GAS7: variants seen among roughly 807,000 people sequenced by gnomAD.
The protein encoded by GAS7 is growth arrest-specific protein 7.
In GAS7, 28 loss-of-function variants were observed where a neutral mutation model predicts 71.1. That is an observed-to-expected ratio of 0.39 (90% confidence interval 0.29 to 0.54). GAS7 has a LOEUF of 0.54. Ranked by LOEUF, GAS7 falls within the 20% of genes least tolerant of loss-of-function variation. The pLI is 0.62. For missense variants in GAS7, 436 were observed against 627.8 expected, an observed-to-expected ratio of 0.69 and a Z score of 3.27; for synonymous variants, 258 against 245.8, an observed-to-expected ratio of 1.05 and a Z score of -0.46.
intron 1 of GAS7, among the ~76,000 whole-genome samples, chr17:10,118,501 C>T (rs931684138): frequency 2.0e-5 from 3 of 151,564 alleles, no homozygotes; most frequent in East Asian, 1.9e-4. Flanking sequence ...CCTTGAGGTC[C>T]GGAGTTTGAG....
intron 1 of GAS7, among the ~76,000 whole-genome samples, chr17:10,062,475 ACT>A (rs1239637816): frequency 6.6e-6 from 1 of 152,072 alleles, no homozygotes; most frequent in Non-Finnish European, 1.5e-5. Flanking sequence ...ACAGAGTGAG[ACT>A]CTGTCTCAAA....
intron 1 of GAS7, among the ~76,000 whole-genome samples, chr17:10,175,098 G>A (rs1056606104): frequency 3.3e-5 from 5 of 151,868 alleles, no homozygotes; most frequent in Admixed American, 2.6e-4. Context: ...CTCCTGCCTC[G>A]GCCTCCCAAA....
chr17:9,951,912 G>A (rs1004586815), intron 5 of GAS7, among the ~76,000 whole-genome samples: 3 of 152,056 alleles, frequency 2.0e-5, no homozygotes, highest in African/African-American at 7.2e-5. Context: ...TACCCTCAGA[G>A]TGAGGATGCC....
chr17:10,008,954 A>AC, intron 2 of GAS7, among the ~76,000 whole-genome samples: 1 of 152,168 alleles, frequency 6.6e-6, no homozygotes, highest in East Asian at 1.9e-4. Flanking sequence ...TTAACACGGA[A>AC]TTATCAGGGC....
chr17:9,976,564 CTCCCTAACCATA>C (rs891240504), intron 3 of GAS7, among the ~76,000 whole-genome samples: 1 of 152,218 alleles, frequency 6.6e-6, no homozygotes. Context: ...GCACAGCTGC[CTCCCTAACCATA>C]TCCCTGGCCG....
At chr17:9,939,143 T>C (rs937451209) in intron 8 of GAS7, among the ~76,000 whole-genome samples, 22 of 152,250 alleles carry the variant, frequency 1.4e-4, no homozygotes, top group Non-Finnish European at 1.6e-4. Context: ...CTCAGTTTTT[T>C]TGGGTATAAG....
chr17:10,190,443 C>T (rs546218762), intron 1 of GAS7, among the ~76,000 whole-genome samples: 6 of 151,732 alleles, frequency 4.0e-5, no homozygotes, highest in East Asian at 1.9e-4. Context: ...ATTAGCCGGG[C>T]GTGGTGGTGC....
At chr17:10,151,458 CTT>C (rs2074166023) in intron 1 of GAS7, among the ~76,000 whole-genome samples, 1 of 151,998 alleles carries the variant, frequency 6.6e-6, no homozygotes, top group South Asian at 2.1e-4. Context: ...GATATTTTAT[CTT>C]GTTATTAAAT....
intron 2 of GAS7, among the ~76,000 whole-genome samples, chr17:9,996,831 A>C (rs906693047): frequency 2.0e-5 from 3 of 151,638 alleles, no homozygotes; most frequent in Non-Finnish European, 4.4e-5. Context: ...TTAGAGACAG[A>C]GTTTCTCCAT....
chr17:10,165,782 T>C (rs559061361), intron 1 of GAS7, among the ~76,000 whole-genome samples: 1 of 152,242 alleles, frequency 6.6e-6, no homozygotes, highest in Non-Finnish European at 1.5e-5. Flanking sequence ...GAGGCTCCCC[T>C]GGAGGAAAGC....
At chr17:10,019,149 C>A (rs2072161196) in intron 2 of GAS7, among the ~76,000 whole-genome samples, 1 of 152,098 alleles carries the variant, frequency 6.6e-6, no homozygotes, top group Non-Finnish European at 1.5e-5. Flanking sequence ...CCTGGGAGGT[C>A]CCTAATTATT....
chr17:9,927,298 C>T (rs933210055), intron 9 of GAS7, among the ~76,000 whole-genome samples: 1 of 141,628 alleles, frequency 7.1e-6, no homozygotes, highest in African/African-American at 2.9e-5. Context: ...CATACACACA[C>T]ACACACACAC....
chr17:9,943,419 C>A (rs1250273350), intron 6 of GAS7, among the ~76,000 whole-genome samples, 183 bp from the exon 7 acceptor site: 1 of 152,130 alleles, frequency 6.6e-6, no homozygotes, highest in East Asian at 1.9e-4. Context: ...CTCCCAACAG[C>A]GCTTTCTGAT....
At chr17:9,931,256 C>T (rs1027334250) in intron 9 of GAS7, among the ~76,000 whole-genome samples, 10 of 152,196 alleles carry the variant, frequency 6.6e-5, no homozygotes, top group South Asian at 2.1e-4. Context: ...TATGCTATCT[C>T]GCGTGGTGGT....
chr17:10,044,257 G>C (rs555292877), intron 1 of GAS7, among the ~76,000 whole-genome samples: 1 of 152,134 alleles, frequency 6.6e-6, no homozygotes, highest in Non-Finnish European at 1.5e-5. Flanking sequence ...ATTTTACTGC[G>C]ATACCCAATT....
At chr17:9,994,630 T>C (rs1348087839) in intron 2 of GAS7, among the ~76,000 whole-genome samples, 1 of 150,422 alleles carries the variant, frequency 6.6e-6, no homozygotes, top group Non-Finnish European at 1.5e-5. Context: ...GGCAAGGACT[T>C]CAGGTCTAAA....
chr17:9,918,043 C>T lies in GAS7; in HGVS notation c.1275G>A (p.Gln425=), dbSNP rs748467211. 1.2e-6 allele frequency: 2 copies of T among 1,613,974 alleles called. No individual in the cohort carries two copies. The highest frequency in any genetic ancestry group is 1.7e-6 in the Non-Finnish European group (2 of 1,179,860). ...RVEMIRQHLC[Q]YTQLRHETDM... ...CTGTTTCATGCCGCAGCTGCGTGTA[C>T]TGGCACAGGTGCTGCCGGATCATCT... The change falls in exon 13 of 14, where the codon CAG becomes CAA. Residue 425 remains glutamine (Q), a synonymous_variant. Coordinates refer to ENST00000432992, the MANE Select transcript of GAS7 (RefSeq NM_201433.2).
At chr17:10,141,342 G>C (rs900123072) in intron 1 of GAS7, among the ~76,000 whole-genome samples, 6 of 152,128 alleles carry the variant, frequency 3.9e-5, no homozygotes, top group African/African-American at 4.8e-5. Context: ...CAGCTACTCG[G>C]GAGGCTGAGG....
intron 1 of GAS7, among the ~76,000 whole-genome samples, chr17:10,195,044 AC>A (rs2074530967): frequency 6.6e-6 from 1 of 151,862 alleles, no homozygotes; most frequent in Admixed American, 6.6e-5. Flanking sequence ...GAGCTGCACC[AC>A]CCCGAGTAGG....
Sources: gnomAD v4.1 joint callset for allele counts (sites outside exome capture counted in the v4.1 genomes callset) on GRCh38, gnomAD v4.1.1 for gene constraint, MANE v1.5 for transcripts, NCBI Gene and HGNC (gene_info 2026-07-23, HGNC 2026-07-21) for gene names.